SAP30: variants seen among roughly 807,000 people sequenced by gnomAD.
SAP30 encodes the protein histone deacetylase complex subunit SAP30.
In SAP30, 13 loss-of-function variants were observed where a neutral mutation model predicts 19.6. The ratio of observed to expected loss-of-function variants is 0.66; its 90% CI spans 0.43 to 1.05. The LOEUF (loss-of-function observed/expected upper bound fraction) is 1.05, where lower values mean the gene tolerates loss of function less well. Among genes scored for constraint, SAP30 ranks in the 50% least tolerant of loss-of-function variants. The pLI is 0.00. For synonymous variants in SAP30, 108 were observed against 122.7 expected, an observed-to-expected ratio of 0.88 and a Z score of 0.79; for missense variants, 257 against 292.1, an observed-to-expected ratio of 0.88 and a Z score of 0.88.
chr4:173,376,819 G>A (rs190186211), intron 3 of SAP30, among the ~76,000 whole-genome samples: 14 of 151,846 alleles, frequency 9.2e-5, no homozygotes, highest in Admixed American at 5.9e-4. Flanking sequence ...ATGGGGTTTC[G>A]TCATGTTGCT....
chr4:173,373,485 T>C lies in SAP30; in HGVS notation c.411T>C (p.Asp137=). 1.2e-6 allele frequency: 2 copies of C among 1,611,436 alleles called. No homozygotes were observed. The highest frequency in any genetic ancestry group is 1.7e-6 in the Non-Finnish European group (2 of 1,178,688). Residue 137 remains aspartate, a synonymous_variant, in exon 2 of 4, where the codon GAT becomes GAC. Coordinates refer to ENST00000296504, the MANE Select transcript of SAP30 (RefSeq NM_003864.4). ...AAGGGAGTGATGATGATGGAGGTGATTCACCTGTTCAAGATATTGATACCC... is the reference window on the plus strand; with the variant it reads ...AAGGGAGTGATGATGATGGAGGTGACTCACCTGTTCAAGATATTGATACCC... ...KRKGSDDDGG[D]SPVQDIDTPE... is the part of the protein sequence containing the mutation.
rs1364075870 is a variant in SAP30 at position 173,377,445 on chromosome 4, T to C, written c.*118T>C. 1.8e-5 allele frequency: 18 copies of C among 994,584 alleles called. No individual in the cohort carries two copies. The allele number at this position is 994,584 out of a possible 1,614,324, so 61.6% of individuals were successfully genotyped here. A position where few individuals can be genotyped will look rare whatever the true frequency, so the allele number is the denominator to read the frequency against. On this transcript the variant is annotated 3_prime_UTR_variant, in exon 4 of 4. Transcript: ENST00000296504. ...GGATTTTCTCTGATTTTATTTTCTT[T>C]GTTTCTGACTCTAATAATTAGTTGG...
chr4:173,372,852 G>T (rs1738966820), intron 1 of SAP30, among the ~76,000 whole-genome samples: 1 of 152,022 alleles, frequency 6.6e-6, no homozygotes. Flanking sequence ...GCGCGATCTC[G>T]GCTCACTGCA....
chr4:173,374,117 G>A (rs1738997678), intron 3 of SAP30, 80 bp downstream of exon 3: 1 of 650,128 alleles, frequency 1.5e-6, no homozygotes, highest in Non-Finnish European at 2.6e-6. Context: ...TTAATGTAGT[G>A]TATGTAACAG....
At chr4:173,372,837 C>T (rs1478283882) in intron 1 of SAP30, among the ~76,000 whole-genome samples, 3 of 152,190 alleles carry the variant, frequency 2.0e-5, no homozygotes, top group Admixed American at 2.0e-4. Context: ...GGCTGGAGTG[C>T]AGTGGCGCGA....
rs543357817 is a variant in SAP30 at position 173,371,926 on chromosome 4, G to T, written c.315+429G>T. On this transcript the variant is annotated intron_variant, in intron 1 of 3. Transcript: ENST00000296504. This position sits in a 1 kb window ranked among gnomAD's most constrained non-coding sequence, Gnocchi z 6.4. Reference sequence around the variant, plus strand: ...TTGGCCCCAGGCGGTACTAAATCCCGTCGTCTAGGAGAAAGCGGAGGACCT... The same window carrying T: ...TTGGCCCCAGGCGGTACTAAATCCCTTCGTCTAGGAGAAAGCGGAGGACCT... 6.6e-6 allele frequency among the ~76,000 whole-genome samples: 1 copy of T among 152,330 alleles called. No individual in the cohort carries two copies. The highest frequency in any genetic ancestry group is 2.1e-4 in the South Asian group (1 of 4,826).
rs767633534 is a variant in SAP30 at position 173,371,359 on chromosome 4, C to A, written c.177C>A (p.Ala59=). The A allele has an allele frequency of 1.3e-6, 2 of 1,499,024 alleles. No homozygotes were observed. The highest frequency in any genetic ancestry group is 2.5e-5 in the South Asian group (2 of 80,894). The allele number at this position is 1,499,024 out of a possible 1,614,324, so 92.9% of individuals were successfully genotyped here. ...CAGCGGCTGGGCCCCCGGGGGCGGC[C>A]GGGCCGGGCCCCGGGCAACTGTGCT... ...AVSAAGPPGA[A]GPGPGQLCCL... Residue 59 remains alanine (A), a synonymous_variant, in exon 1 of 4, where the codon GCC becomes GCA. Coordinates refer to ENST00000296504, the MANE Select transcript of SAP30 (RefSeq NM_003864.4). The surrounding 1 kb of genome is among the most constrained non-coding windows in gnomAD (Gnocchi z 6.4).
At chr4:173,373,273 A>G in intron 1 of SAP30, 117 bp from the exon 2 acceptor site, 1 of 813,572 alleles carries the variant, frequency 1.2e-6, no homozygotes, top group South Asian at 2.3e-5. Flanking sequence ...TTATCTTAAC[A>G]ATGGCCCATC....
At chr4:173,376,913 C>T (rs969114355) in intron 3 of SAP30, among the ~76,000 whole-genome samples, 1 of 152,022 alleles carries the variant, frequency 6.6e-6, no homozygotes, top group East Asian at 1.9e-4. Context: ...TGAGCCACCA[C>T]GCCTGGCCCA....
chr4:173,373,279 C>A, intron 1 of SAP30, 111 bp from the exon 2 acceptor site: 1 of 872,038 alleles, frequency 1.1e-6, no homozygotes, highest in Non-Finnish European at 1.7e-6. Flanking sequence ...TAACAATGGC[C>A]CATCTTGGCT....
rs1306272174 is a variant in SAP30 at position 173,371,792 on chromosome 4, G to A, written c.315+295G>A. On this transcript the variant is annotated intron_variant, in intron 1 of 3. Coordinates refer to ENST00000296504, the MANE Select transcript of SAP30 (RefSeq NM_003864.4). This position sits in a 1 kb window ranked among gnomAD's most constrained non-coding sequence, Gnocchi z 6.4. ...CCCTCTTCCTTCTCCTCTGCGACCG[G>A]GACACGAAACAAAGGGGACCGGCGC... Among the ~76,000 whole-genome samples, 1 of 152,114 alleles carries A rather than the reference G, an allele frequency of 6.6e-6. No individual in the cohort carries two copies. Among genetic ancestry groups the A allele is most frequent in the African/African-American group, 2.4e-5 (1 of 41,422 alleles).
chr4:173,375,259 T>A (rs879511368), intron 3 of SAP30, among the ~76,000 whole-genome samples: 13 of 152,064 alleles, frequency 8.5e-5, no homozygotes, highest in Non-Finnish European at 1.8e-4. Context: ...AATGTGCCTA[T>A]TGAATAAAAT....
At position 173,377,339 on chromosome 4, in the gene SAP30, T is replaced by C. The variant is rs1227920103; in HGVS notation, c.*12T>C. Reference sequence around the variant, plus strand: ...GTGGTGTTCACTAGGAGACGTGGAATTGAGACTAATAACTTGGATGTTAAC... The same window carrying C: ...GTGGTGTTCACTAGGAGACGTGGAACTGAGACTAATAACTTGGATGTTAAC... On this transcript the variant is annotated 3_prime_UTR_variant, in exon 4 of 4. Transcript: ENST00000296504. The C allele has an allele frequency of 1.9e-6, 3 of 1,596,504 alleles. No individual in the cohort carries two copies. The highest frequency in any genetic ancestry group is 1.8e-5 in the Admixed American group (1 of 55,634).
rs752149192 is a variant in SAP30, at chr4:173,373,510, C to G, written c.436C>G (p.Pro146Ala). The G allele has an allele frequency of 6.3e-7, 1 of 1,594,498 alleles. No individual in the cohort carries two copies. Among genetic ancestry groups the G allele is most frequent in the Non-Finnish European group, 8.5e-7 (1 of 1,171,650 alleles). The change falls in exon 2 of 4, where the codon CCA (proline) becomes GCA (alanine). Residue 146 changes from proline to alanine, a missense_variant. By Grantham distance (27) the Pro-to-Ala change is conservative. Transcript: ENST00000296504. ...TTCACCTGTTCAAGATATTGATACC[C>G]CAGAGGTAGATGGAAGTTTTTTATG... ...GDSPVQDIDT[P>A]EVDLYQLQVN...
chr4:173,375,378 A>G (rs914435484), intron 3 of SAP30, among the ~76,000 whole-genome samples: 1 of 152,164 alleles, frequency 6.6e-6, no homozygotes, highest in African/African-American at 2.4e-5. Flanking sequence ...TGGGCAACAC[A>G]GATCTAATTA....
In SAP30 at chr4:173,371,196, C is replaced by T; in HGVS notation, c.14C>T (p.Thr5Met). ...GAGCTCGGAGACATGAACGGCTTCA[C>T]GCCTGACGAGATGAGCCGCGGCGGG... MNGF[T>M]PDEMSRGGDA... The change falls in exon 1 of 4, where the codon ACG (threonine) becomes ATG (methionine). Residue 5 changes from threonine to methionine, a missense_variant. Coordinates refer to ENST00000296504, the MANE Select transcript of SAP30 (RefSeq NM_003864.4). This position sits in a 1 kb window ranked among gnomAD's most constrained non-coding sequence, Gnocchi z 6.4. 1 of 1,488,562 alleles carries T rather than the reference C, an allele frequency of 6.7e-7. No individual in the cohort carries two copies. The highest frequency in any genetic ancestry group is 8.9e-7 in the Non-Finnish European group (1 of 1,125,002). The allele number at this position is 1,488,562 out of a possible 1,614,324, so 92.2% of individuals were successfully genotyped here. A position where few individuals can be genotyped will look rare whatever the true frequency, so the allele number is the denominator to read the frequency against.
At position 173,371,509 on chromosome 4, in the gene SAP30, G is replaced by A; in HGVS notation, c.315+12G>A. ...AGCTGGATAAGAGCGTAAGTAAACCGCGGGACCGCCCTGCCCTCCCGCCCC... is the reference window on the plus strand; with the variant it reads ...AGCTGGATAAGAGCGTAAGTAAACCACGGGACCGCCCTGCCCTCCCGCCCC... On this transcript the variant is annotated intron_variant, in intron 1 of 3. Transcript: ENST00000296504. This position sits in a 1 kb window ranked among gnomAD's most constrained non-coding sequence, Gnocchi z 6.4. 6.3e-7 allele frequency: 1 copy of A among 1,579,846 alleles called. No homozygotes were observed. The highest frequency in any genetic ancestry group is 8.6e-7 in the Non-Finnish European group (1 of 1,167,928).
rs945429294 is a variant in SAP30 at position 173,371,713 on chromosome 4, T to C, written c.315+216T>C. ...CACACAGGCTGTCGTTCCCCTCTTCTTTCCCACCCTGGCCCCCAACCTCCC... is the reference window on the plus strand; with the variant it reads ...CACACAGGCTGTCGTTCCCCTCTTCCTTCCCACCCTGGCCCCCAACCTCCC... On this transcript the variant is annotated intron_variant, in intron 1 of 3. Coordinates refer to ENST00000296504, the MANE Select transcript of SAP30 (RefSeq NM_003864.4). This position sits in a 1 kb window ranked among gnomAD's most constrained non-coding sequence, Gnocchi z 6.4. Among the ~76,000 whole-genome samples, 5 of 152,068 alleles carry C rather than the reference T, an allele frequency of 3.3e-5. No individual in the cohort carries two copies. The highest frequency in any genetic ancestry group is 1.5e-5 in the Non-Finnish European group (1 of 67,990).
chr4:173,375,729 G>C (rs1343943304), intron 3 of SAP30, among the ~76,000 whole-genome samples: 3 of 152,200 alleles, frequency 2.0e-5, no homozygotes. Context: ...GGAATGTGCA[G>C]ATGTAGTACA....
Sources: gnomAD v4.1 joint callset for allele counts (sites outside exome capture counted in the v4.1 genomes callset) on GRCh38, gnomAD v4.1.1 for gene constraint, Gnocchi (gnomAD v3.1) non-coding constraint, MANE v1.5 for transcripts, NCBI Gene and HGNC (gene_info 2026-07-23, HGNC 2026-07-21) for gene names.